The following HLCS variants were observed in gnomAD, a reference collection of about 807,000 sequenced individuals.
HLCS encodes holocarboxylase synthetase.
In HLCS, 53 loss-of-function variants were observed where a neutral mutation model predicts 75.0. The observed-to-expected ratio is 0.71, with a 90% CI of 0.57 to 0.89. The LOEUF (loss-of-function observed/expected upper bound fraction) is 0.89. HLCS is among the 40% of genes least tolerant of loss of function. The pLI, the probability that HLCS is intolerant of heterozygous loss-of-function variation, is 0.00. For synonymous variants in HLCS, 431 were observed against 428.6 expected (o/e 1.01, Z -0.07); for missense variants, 966 against 1,074.0 (o/e 0.90, Z 1.41).
chr21:36,934,094 G>T (rs1366071740), intron 4 of HLCS, among the ~76,000 whole-genome samples: 1 of 152,136 alleles, frequency 6.6e-6, no homozygotes, highest in Non-Finnish European at 1.5e-5. Context: ...GGAGTGTGTG[G>T]GTGGTAGATT....
intron 6 of HLCS, among the ~76,000 whole-genome samples, chr21:36,825,284 C>A (rs1023409): frequency 0.35 from 53,195 of 151,822 alleles, 10,078 homozygotes; most frequent in African/African-American, 0.48. Flanking sequence ...GCTACTTGAG[C>A]GGCTGAGGCG....
intron 6 of HLCS, among the ~76,000 whole-genome samples, chr21:36,852,908 C>G (rs1199383676): frequency 6.6e-6 from 1 of 152,134 alleles, no homozygotes; most frequent in Non-Finnish European, 1.5e-5. Flanking sequence ...AATTCAGGAC[C>G]TGACAGATTT....
Position 36,753,088 on chromosome 21 carries a change from T to C in HLCS, c.*1158A>G, listed in dbSNP as rs2089430048. 1 of 152,686 alleles carries C rather than the reference T, an allele frequency of 6.5e-6. No individual in the cohort carries two copies. The highest frequency in any genetic ancestry group is 2.1e-4 in the South Asian group (1 of 4,834). The allele number at this position is 152,686 out of a possible 1,614,324, so 9.5% of individuals were successfully genotyped here. A position where few individuals can be genotyped will look rare whatever the true frequency, so the allele number is the denominator to read the frequency against. On this transcript the variant is annotated 3_prime_UTR_variant, in exon 11 of 11. Transcript: ENST00000674895. This position sits in a 1 kb window ranked among gnomAD's most constrained non-coding sequence, Gnocchi z 4.3. ...TGCATATCAAAAGGCTTCATTTCTT[T>C]TGTTCTTTCATGAGGCTTGTAGCAC...
Position 36,983,463 on chromosome 21 carries a change from G to A in HLCS, c.-393+6695C>T, listed in dbSNP as rs1051105564. Among the ~76,000 whole-genome samples the A allele has an allele frequency of 4.6e-5, 7 of 151,748 alleles. No homozygotes were observed. In the East Asian group the frequency reaches 5.9e-4, roughly 13 times the overall value. On this transcript the variant is annotated intron_variant, in intron 1 of 11. Transcript: ENST00000336648. ...TGACCTCAAGTGACCCGCCCACCTC[G>A]ACCTCCCAAAGTGCTAGGATTACAG...
intron 2 of HLCS, among the ~76,000 whole-genome samples, chr21:36,957,480 C>T (rs1039243902): frequency 2.0e-5 from 3 of 152,124 alleles, no homozygotes; most frequent in Non-Finnish European, 4.4e-5. Context: ...AATACAGTTA[C>T]CATATGACAA....
In HLCS at chr21:36,833,482, A is replaced by G. The variant is rs563137709; in HGVS notation, c.1892+63378T>C. ...CACCTGTAATCCCAGCTACTCGGGA[A>G]GCTGAAGCAGGAGAATTGCTTGAAC... is the stretch of plus-strand genomic sequence containing the variant. On this transcript the variant is annotated intron_variant, in intron 6 of 10. Coordinates refer to ENST00000674895, the MANE Select transcript of HLCS (RefSeq NM_001352514.2). Among the ~76,000 whole-genome samples, 211 of 151,502 alleles carry G rather than the reference A, an allele frequency of 1.4e-3. 2 individuals are homozygous for G. Among genetic ancestry groups the G allele is most frequent in the African/African-American group, 4.9e-3 (203 of 41,328 alleles).
intron 6 of HLCS, among the ~76,000 whole-genome samples, chr21:36,784,595 C>A (rs1030289269): frequency 6.6e-6 from 1 of 152,116 alleles, no homozygotes; most frequent in Non-Finnish European, 1.5e-5. Flanking sequence ...GGATTACAGG[C>A]GTGAGCCACC....
chr21:36,945,264 C>T (rs1331351880), intron 2 of HLCS, among the ~76,000 whole-genome samples: 1 of 151,676 alleles, frequency 6.6e-6, no homozygotes, highest in Non-Finnish European at 1.5e-5. Flanking sequence ...ATGTTGTACC[C>T]CATAAATATA....
intron 5 of HLCS, among the ~76,000 whole-genome samples, chr21:36,923,814 G>A (rs1400946501): frequency 6.6e-6 from 1 of 152,160 alleles, no homozygotes; most frequent in Non-Finnish European, 1.5e-5. Context: ...TTTGCCATGG[G>A]TATTATGTTT....
At chr21:36,943,817 TAAA>T (rs5843782) in intron 2 of HLCS, 11 of 141,848 alleles carry the variant, frequency 7.8e-5, no homozygotes, top group Admixed American at 7.1e-5. Flanking sequence ...AGACCCTGTC[TAAA>T]AAAAAAAAAA....
chr21:36,774,999 T>C (rs1181986963), intron 6 of HLCS, among the ~76,000 whole-genome samples: 1 of 152,200 alleles, frequency 6.6e-6, no homozygotes, highest in Non-Finnish European at 1.5e-5. Context: ...TCATATCCCC[T>C]TTCCGCTCTT....
chr21:36,949,028 G>A (rs996167670), intron 2 of HLCS, among the ~76,000 whole-genome samples: 4 of 152,210 alleles, frequency 2.6e-5, no homozygotes, highest in South Asian at 2.1e-4. Context: ...CCGATACACC[G>A]CCGAGGCCTG....
intron 6 of HLCS, among the ~76,000 whole-genome samples, chr21:36,888,442 AAAAAT>A (rs1185042042): frequency 6.3e-4 from 20 of 31,502 alleles, no homozygotes; most frequent in Admixed American, 9.6e-4. Context: ...TAAAAAAAAA[AAAAAT>A]ATATATATAT....
At chr21:36,917,087 C>T (rs1007555267) in intron 5 of HLCS, among the ~76,000 whole-genome samples, 21 of 152,230 alleles carry the variant, frequency 1.4e-4, no homozygotes, top group African/African-American at 5.1e-4. Flanking sequence ...ACTCTTTTAC[C>T]TTTTCTTCAG....
intron 6 of HLCS, among the ~76,000 whole-genome samples, chr21:36,823,929 C>T (rs1359098344): frequency 6.6e-6 from 1 of 152,144 alleles, no homozygotes; most frequent in Non-Finnish European, 1.5e-5. Flanking sequence ...AAACAGAGCA[C>T]TGATGCCATG....
intron 10 of HLCS, among the ~76,000 whole-genome samples, chr21:36,756,258 G>A (rs781287179): frequency 3.2e-4 from 48 of 151,232 alleles, no homozygotes; most frequent in South Asian, 6.3e-4. Flanking sequence ...CTAACACGGT[G>A]AAACCCCACC....
chr21:36,886,465 T>C (rs548725188), intron 6 of HLCS, among the ~76,000 whole-genome samples: 18 of 145,616 alleles, frequency 1.2e-4, no homozygotes, highest in African/African-American at 3.0e-4. Context: ...AGATGGGTGC[T>C]ATGGGTTTGA....
At chr21:36,865,941 C>T (rs1304930974) in intron 6 of HLCS, among the ~76,000 whole-genome samples, 1 of 152,168 alleles carries the variant, frequency 6.6e-6, no homozygotes, top group Non-Finnish European at 1.5e-5. Flanking sequence ...GCCTTTAAAA[C>T]TGCTGTATTT....
In HLCS at chr21:36,932,593, A is replaced by T. The variant is rs1413492594; in HGVS notation, c.1438-2160T>A. ...TGGAACCTCTAGCTCCCCTGAGATCAGATTTTAAATGAGCATTGAAGCCTG... is the reference window on the plus strand; with the variant it reads ...TGGAACCTCTAGCTCCCCTGAGATCTGATTTTAAATGAGCATTGAAGCCTG... On this transcript the variant is annotated intron_variant, in intron 4 of 10. Transcript: ENST00000674895. 3.9e-5 allele frequency among the ~76,000 whole-genome samples: 6 copies of T among 152,358 alleles called. No individual in the cohort carries two copies. In the East Asian group the frequency reaches 1.2e-3, roughly 29 times the overall value.
Sources: allele counts gnomAD v4.1 joint callset (sites outside exome capture counted in the v4.1 genomes callset), GRCh38; gene constraint gnomAD v4.1.1; non-coding constraint Gnocchi (gnomAD v3.1); transcripts MANE v1.5; gene names NCBI Gene and HGNC (gene_info 2026-07-23, HGNC 2026-07-21).